ALS2: variants seen among roughly 807,000 people sequenced by gnomAD.
ALS2 encodes the protein alsin.
A neutral mutation model predicts 203.4 loss-of-function variants in ALS2; 117 were observed. That is an observed-to-expected ratio of 0.58 (90% CI 0.50 to 0.67). The LOEUF (loss-of-function observed/expected upper bound fraction) is 0.67, where lower values mean the gene tolerates loss of function less well. ALS2 is among the 30% of genes least tolerant of loss of function. ALS2 has a pLI of 0.00. For missense variants in ALS2, 1,715 were observed against 1,989.4 expected (o/e 0.86, Z 2.62); for synonymous variants, 718 against 725.9 (o/e 0.99, Z 0.17).
chr2:201,767,074 C>T (rs1029593077), intron 3 of ALS2, among the ~76,000 whole-genome samples, 155 bp downstream of exon 3: 1 of 150,978 alleles, frequency 6.6e-6, no homozygotes, highest in African/African-American at 2.4e-5. Flanking sequence ...CACATGTACC[C>T]TAAAACTTAA....
chr2:201,778,840 G>A (rs1172720170), intron 1 of ALS2, among the ~76,000 whole-genome samples: 1 of 152,130 alleles, frequency 6.6e-6, no homozygotes, highest in African/African-American at 2.4e-5. Context: ...AGTGAGAAAG[G>A]TACCTCATAG....
At chr2:201,758,771 T>C (rs949386076) in intron 4 of ALS2, among the ~76,000 whole-genome samples, 4 of 151,872 alleles carry the variant, frequency 2.6e-5, no homozygotes, top group African/African-American at 9.7e-5. Context: ...TGTGTGTGTG[T>C]GTGTGTGTGT....
At chr2:201,766,372 G>A (rs1315578553) in intron 3 of ALS2, among the ~76,000 whole-genome samples, 4 of 151,970 alleles carry the variant, frequency 2.6e-5, no homozygotes, top group African/African-American at 4.8e-5. Context: ...TAGGCTGGGC[G>A]TGGTGGCTCA....
At chr2:201,731,729 C>T (rs1691566753) in intron 13 of ALS2, among the ~76,000 whole-genome samples, 1 of 151,950 alleles carries the variant, frequency 6.6e-6, no homozygotes, top group African/African-American at 2.4e-5. Context: ...AAAAAGCTTC[C>T]ACAGTTGATT....
chr2:201,746,561 T>C lies in ALS2; in HGVS notation c.1998+5A>G. 1 of 1,614,168 alleles carries C rather than the reference T, an allele frequency of 6.2e-7. No individual in the cohort carries two copies. Among genetic ancestry groups the C allele is most frequent in the Non-Finnish European group, 8.5e-7 (1 of 1,180,006 alleles). ...TGTGGGCCTTAGGATCCAATTCCTG[T>C]TCACCTTACTACAGGAGAGAAGTAC... On this transcript the variant is annotated splice_donor_5th_base_variant and intron_variant, in intron 9 of 33. Transcript: ENST00000264276.
At chr2:201,730,595 G>A (rs1416323853) in intron 13 of ALS2, among the ~76,000 whole-genome samples, 1 of 151,042 alleles carries the variant, frequency 6.6e-6, no homozygotes, top group East Asian at 2.0e-4. Context: ...ATCCAAATCT[G>A]AAAAATCAGT....
intron 4 of ALS2, chr2:201,760,095 G>T: frequency 1.2e-6 from 1 of 838,746 alleles, no homozygotes; most frequent in Non-Finnish European, 1.4e-6. Flanking sequence ...GGCTGAGGTG[G>T]GAGGATTGCT....
intron 1 of ALS2, among the ~76,000 whole-genome samples, chr2:201,772,744 T>C (rs1039634435): frequency 7.2e-5 from 11 of 152,202 alleles, no homozygotes; most frequent in Admixed American, 2.6e-4. Context: ...AACTATTTTA[T>C]ACTTAACTTG....
intron 7 of ALS2, among the ~76,000 whole-genome samples, chr2:201,752,850 G>A (rs942761597): frequency 2.0e-5 from 3 of 151,842 alleles, no homozygotes; most frequent in African/African-American, 4.8e-5. Context: ...GAAAATCTGG[G>A]GTTCTCTTTT....
At chr2:201,733,986 A>G in intron 12 of ALS2, among the ~76,000 whole-genome samples, 1 of 152,226 alleles carries the variant, frequency 6.6e-6, no homozygotes, top group Non-Finnish European at 1.5e-5. Flanking sequence ...TACAGTTAAC[A>G]AGAAACAATA....
intron 24 of ALS2, among the ~76,000 whole-genome samples, chr2:201,716,077 ACT>A (rs1209909668): frequency 9.9e-5 from 15 of 152,126 alleles, no homozygotes; most frequent in Non-Finnish European, 5.9e-5. Flanking sequence ...AAACCAATTG[ACT>A]CTGCCTCCTA....
chr2:201,761,663 C>T lies in ALS2; in HGVS notation c.331G>A (p.Val111Ile), dbSNP rs61745503. 1.7e-4 allele frequency: 278 copies of T among 1,614,166 alleles called. 2 individuals are homozygous for T. The Middle Eastern group carries it at 4.8e-3, about 28-fold the overall frequency. ...GAATTCTCTCCCCACATGTACGCGACACCATTGTCTGTCACTGCTCCACTA... is the reference window on the plus strand; with the variant it reads ...GAATTCTCTCCCCACATGTACGCGATACCATTGTCTGTCACTGCTCCACTA... ...FHSGAVTDNGVAYMWGENSAG... is the reference protein window; with the variant it reads ...FHSGAVTDNGIAYMWGENSAG... The change falls in exon 4 of 34, where the codon GTC becomes ATC. Residue 111 changes from valine to isoleucine, a missense_variant. By Grantham distance (29) the Val-to-Ile change is conservative. Coordinates refer to ENST00000264276, the MANE Select transcript of ALS2 (RefSeq NM_020919.4).
rs201734315 is a variant in ALS2, at chr2:201,764,634, AAAATAAATAAAT to A, written c.175+2583_175+2594del. 3.5e-3 allele frequency among the ~76,000 whole-genome samples: 494 copies of A among 142,246 alleles called. 1 individual carries two copies. Among genetic ancestry groups the A allele is most frequent in the Middle Eastern group, 0.011 (3 of 282 alleles). The allele number at this position is 142,246 out of a possible 152,430, so 93.3% of individuals were successfully genotyped here. On this transcript the variant is annotated intron_variant, in intron 3 of 33. Coordinates refer to ENST00000264276, the MANE Select transcript of ALS2 (RefSeq NM_020919.4). ...GGGCAACAGAGCGAGACTCCGTCTC[AAAATAAATAAAT>A]AAATAAATAAATAAATAAATAAATA... is the stretch of plus-strand genomic sequence containing the variant.
chr2:201,744,241 A>C lies in ALS2; in HGVS notation c.2170+17T>G. ...ACCTGATGGTTTAATGGTGGGAGAG[A>C]GGGGGTTGCAACTTACCTAAACTGA... On this transcript the variant is annotated intron_variant, in intron 10 of 33. Transcript: ENST00000264276. 1 of 1,609,244 alleles carries C rather than the reference A, an allele frequency of 6.2e-7. No individual in the cohort carries two copies. The highest frequency in any genetic ancestry group is 1.3e-5 in the African/African-American group (1 of 74,918).
intron 31 of ALS2, 51 bp from the exon 32 acceptor site, chr2:201,704,654 C>T (rs1413182032): frequency 6.2e-7 from 1 of 1,607,624 alleles, no homozygotes; most frequent in Admixed American, 1.7e-5. Context: ...CTTAATAAAG[C>T]CATTTGATCG....
rs563567816 is a variant in ALS2 at position 201,774,691 on chromosome 2, G to A, written c.-60-5746C>T. On this transcript the variant is annotated intron_variant, in intron 1 of 33. Coordinates refer to ENST00000264276, the MANE Select transcript of ALS2 (RefSeq NM_020919.4). ...AATTCGGTGAAAGGTAAATTTGTGAGTCATAAGTATAATAACTTGCAAATG... is the reference window on the plus strand; with the variant it reads ...AATTCGGTGAAAGGTAAATTTGTGAATCATAAGTATAATAACTTGCAAATG... 6.6e-5 allele frequency among the ~76,000 whole-genome samples: 10 copies of A among 152,278 alleles called. No individual in the cohort carries two copies. The East Asian group carries it at 1.7e-3, about 26-fold the overall frequency.
intron 33 of ALS2, among the ~76,000 whole-genome samples, chr2:201,703,564 T>C (rs1689511452): frequency 6.6e-6 from 1 of 152,234 alleles, no homozygotes; most frequent in Admixed American, 6.5e-5. Context: ...GCACTTTCTA[T>C]CTGCTGTTTT....
intron 23 of ALS2, among the ~76,000 whole-genome samples, chr2:201,718,652 A>C (rs1406869940): frequency 6.6e-6 from 1 of 152,188 alleles, no homozygotes; most frequent in Non-Finnish European, 1.5e-5. Flanking sequence ...TTAAAACTCA[A>C]ACAAAATATG....
Position 201,746,558 on chromosome 2 carries a change from C to G in ALS2, c.1998+8G>C, listed in dbSNP as rs771949248. On this transcript the variant is annotated splice_region_variant and intron_variant, in intron 9 of 33. Transcript: ENST00000264276. Reference sequence around the variant, plus strand: ...GAATGTGGGCCTTAGGATCCAATTCCTGTTCACCTTACTACAGGAGAGAAG... The same window carrying G: ...GAATGTGGGCCTTAGGATCCAATTCGTGTTCACCTTACTACAGGAGAGAAG... The G allele has an allele frequency of 2.1e-5, 34 of 1,613,966 alleles. 2 individuals are homozygous for G. The South Asian group carries it at 3.5e-4, about 17-fold the overall frequency.
Sources: allele counts gnomAD v4.1 joint callset (sites outside exome capture counted in the v4.1 genomes callset), GRCh38; gene constraint gnomAD v4.1.1; transcripts MANE v1.5; gene names NCBI Gene and HGNC (gene_info 2026-07-23, HGNC 2026-07-21).